The following HCN1 variants were observed in gnomAD, a reference collection of about 807,000 sequenced individuals.
HCN1 encodes the protein hyperpolarization activated cyclic nucleotide gated potassium channel 1, also known as potassium/sodium hyperpolarization-activated cyclic nucleotide-gated channel 1.
A neutral mutation model predicts 78.9 loss-of-function variants in HCN1; 13 were observed. The ratio of observed to expected loss-of-function variants is 0.16; its 90% CI spans 0.11 to 0.26. The LOEUF (loss-of-function observed/expected upper bound fraction) is 0.26, where lower values mean the gene tolerates loss of function less well. Ranked by LOEUF, HCN1 falls within the 10% of genes least tolerant of loss-of-function variation. HCN1 has a pLI of 1.00. For synonymous variants in HCN1, 552 were observed against 455.5 expected (o/e 1.21, Z -2.70); for missense variants, 810 against 1,154.3 (o/e 0.70, Z 4.32).
intron 6 of HCN1, among the ~76,000 whole-genome samples, chr5:45,290,461 G>A (rs1466203636): frequency 6.6e-6 from 1 of 151,916 alleles, no homozygotes; most frequent in African/African-American, 2.4e-5. Context: ...TACTAAGTAA[G>A]ATATTACTGA....
chr5:45,335,451 C>T (rs1244977458), intron 5 of HCN1, among the ~76,000 whole-genome samples: 1 of 152,004 alleles, frequency 6.6e-6, no homozygotes, highest in Non-Finnish European at 1.5e-5. Context: ...GCAATGTCTC[C>T]AGGAAACTGG....
At chr5:45,366,132 T>G (rs541970525) in intron 4 of HCN1, among the ~76,000 whole-genome samples, 1 of 151,438 alleles carries the variant, frequency 6.6e-6, no homozygotes, top group Non-Finnish European at 1.5e-5. Context: ...TTTGAAAATG[T>G]GGGTGCACTG....
chr5:45,374,795 T>C (rs1397582739), intron 4 of HCN1, among the ~76,000 whole-genome samples: 1 of 147,886 alleles, frequency 6.8e-6, no homozygotes, highest in East Asian at 2.0e-4. Flanking sequence ...TGTGTATATA[T>C]ATATATATAA....
chr5:45,470,627 A>C (rs1741371995), intron 2 of HCN1, among the ~76,000 whole-genome samples: 1 of 151,988 alleles, frequency 6.6e-6, no homozygotes, highest in African/African-American at 2.4e-5. Context: ...ATACTTAACT[A>C]TCTGAATTGT....
rs375187818 is a variant in HCN1 at position 45,416,717 on chromosome 5, T to C, written c.1012-20007A>G. Among the ~76,000 whole-genome samples, 28 of 152,098 alleles carry C rather than the reference T, an allele frequency of 1.8e-4. 1 individual carries two copies. In the South Asian group the frequency reaches 5.6e-3, roughly 30 times the overall value. Reference sequence around the variant, plus strand: ...TGAAAGCAGAACAACTTTTTCACTTTCATAAACAATTAATTGGATAAGATT... The same window carrying C: ...TGAAAGCAGAACAACTTTTTCACTTCCATAAACAATTAATTGGATAAGATT... On this transcript the variant is annotated intron_variant, in intron 3 of 7. Coordinates refer to ENST00000303230, the MANE Select transcript of HCN1 (RefSeq NM_021072.4).
At chr5:45,536,813 T>G (rs544957456) in intron 2 of HCN1, among the ~76,000 whole-genome samples, 2 of 152,320 alleles carry the variant, frequency 1.3e-5, no homozygotes, top group East Asian at 3.9e-4. Context: ...AAATACATTT[T>G]ATTTCAAGAG....
intron 1 of HCN1, among the ~76,000 whole-genome samples, chr5:45,678,845 T>A (rs1739646638): frequency 6.6e-6 from 1 of 151,970 alleles, no homozygotes; most frequent in Non-Finnish European, 1.5e-5. Context: ...TACTGTCAAA[T>A]ATTTAACATT....
intron 2 of HCN1, among the ~76,000 whole-genome samples, chr5:45,633,458 T>C (rs1302428255): frequency 1.3e-5 from 2 of 151,990 alleles, no homozygotes; most frequent in African/African-American, 2.4e-5. Context: ...TCTAAATAGA[T>C]AGTGGAGGTC....
intron 3 of HCN1, among the ~76,000 whole-genome samples, chr5:45,445,029 G>T (rs1358559972): frequency 1.3e-5 from 2 of 152,192 alleles, no homozygotes; most frequent in Non-Finnish European, 2.9e-5. Flanking sequence ...GCCAGACAGT[G>T]GGCGCAGGAC....
intron 2 of HCN1, among the ~76,000 whole-genome samples, chr5:45,545,445 A>C (rs2111840373): frequency 6.6e-6 from 1 of 152,184 alleles, no homozygotes; most frequent in East Asian, 1.9e-4. Context: ...GAAGCTCTTT[A>C]GTTTAATTAG....
chr5:45,501,721 C>T (rs972043663), intron 2 of HCN1, among the ~76,000 whole-genome samples: 5 of 151,922 alleles, frequency 3.3e-5, no homozygotes, highest in Admixed American at 6.5e-5. Flanking sequence ...ATTACAGGCA[C>T]GAGCCACTGT....
intron 2 of HCN1, among the ~76,000 whole-genome samples, chr5:45,500,698 T>A (rs1372516222): frequency 6.6e-6 from 1 of 152,138 alleles, no homozygotes; most frequent in Non-Finnish European, 1.5e-5. Context: ...GTGATATAGG[T>A]CACAAGGTTT....
intron 6 of HCN1, among the ~76,000 whole-genome samples, chr5:45,297,004 A>G (rs1309589054): frequency 1.3e-5 from 2 of 152,090 alleles, no homozygotes; most frequent in African/African-American, 2.4e-5. Flanking sequence ...GAAGAATTAA[A>G]GACACACACA....
intron 6 of HCN1, among the ~76,000 whole-genome samples, chr5:45,289,272 C>T (rs1230665829): frequency 6.6e-6 from 1 of 152,010 alleles, no homozygotes; most frequent in Non-Finnish European, 1.5e-5. Context: ...GATGGTATTA[C>T]TTCACCTTAC....
intron 5 of HCN1, among the ~76,000 whole-genome samples, chr5:45,317,622 C>A (rs1157375167): frequency 6.6e-6 from 1 of 152,070 alleles, no homozygotes; most frequent in Non-Finnish European, 1.5e-5. Context: ...TCAGAGTGAA[C>A]AGGCAACCTA....
chr5:45,670,103 T>C (rs1032170493), intron 1 of HCN1, among the ~76,000 whole-genome samples: 1 of 151,510 alleles, frequency 6.6e-6, no homozygotes, highest in Non-Finnish European at 1.5e-5. Context: ...TAGTCATAGA[T>C]GAAGAGAAAA....
At chr5:45,531,808 G>A (rs1742858080) in intron 2 of HCN1, among the ~76,000 whole-genome samples, 1 of 152,136 alleles carries the variant, frequency 6.6e-6, no homozygotes, top group Non-Finnish European at 1.5e-5. Flanking sequence ...GGGAGGCCAA[G>A]GTGGGCGGAT....
chr5:45,371,673 C>A (rs1178692201), intron 4 of HCN1, among the ~76,000 whole-genome samples: 1 of 149,932 alleles, frequency 6.7e-6, no homozygotes, highest in Admixed American at 6.8e-5. Context: ...AGGAGAATCA[C>A]TTGAACCCGG....
chr5:45,463,873 T>C (rs556661371), intron 2 of HCN1, among the ~76,000 whole-genome samples: 1 of 152,186 alleles, frequency 6.6e-6, no homozygotes, highest in African/African-American at 2.4e-5. Flanking sequence ...TAGTGTTAAA[T>C]TGCAGAATAT....
Sources: gnomAD v4.1 joint callset for allele counts (sites outside exome capture counted in the v4.1 genomes callset) on GRCh38, gnomAD v4.1.1 for gene constraint, MANE v1.5 for transcripts, NCBI Gene and HGNC (gene_info 2026-07-23, HGNC 2026-07-21) for gene names.